CFAP61: variants seen among roughly 807,000 people sequenced by gnomAD.
The protein encoded by CFAP61 is cilia- and flagella-associated protein 61.
CFAP61 carries 107 observed loss-of-function variants against 135.6 expected under a neutral mutation model. The observed-to-expected ratio is 0.79, with a 90% CI of 0.67 to 0.93. CFAP61 has a LOEUF of 0.93. Among genes scored for constraint, CFAP61 ranks in the 40% least tolerant of loss-of-function variants. The pLI is 0.00. For missense variants in CFAP61, 1,507 were observed against 1,556.2 expected (o/e 0.97, Z 0.53); for synonymous variants, 575 against 578.5 (o/e 0.99, Z 0.09).
chr20:20,342,691 C>T (rs766156883), intron 26 of CFAP61, among the ~76,000 whole-genome samples: 5 of 152,276 alleles, frequency 3.3e-5, no homozygotes, highest in Non-Finnish European at 5.9e-5. Context: ...AGCCCCCACG[C>T]GCCTTATTGG....
At chr20:20,285,930 A>AG (rs2054553036) in intron 22 of CFAP61, among the ~76,000 whole-genome samples, 4 of 151,184 alleles carry the variant, frequency 2.6e-5, no homozygotes, top group Admixed American at 1.3e-4. Context: ...CAAAAAAAAA[A>AG]AAAAACAAAA....
intron 21 of CFAP61, chr20:20,265,481 G>C (rs756026415): frequency 2.6e-6 from 2 of 779,612 alleles, no homozygotes; most frequent in Admixed American, 3.4e-5. Context: ...ATGCTGTGGT[G>C]CCCCCTTAAA....
intron 25 of CFAP61, among the ~76,000 whole-genome samples, chr20:20,304,712 G>A (rs952859256): frequency 6.6e-6 from 1 of 151,984 alleles, no homozygotes; most frequent in African/African-American, 2.4e-5. Flanking sequence ...TCAGGACACC[G>A]GGCGCGAAAG....
At chr20:20,172,603 G>C (rs6081907) in intron 13 of CFAP61, among the ~76,000 whole-genome samples, 136,945 of 152,234 alleles carry the variant, frequency 0.9, 62,413 homozygotes, top group Middle Eastern at 0.99. Context: ...CAGGTGTGAG[G>C]CACCACACCT....
intron 25 of CFAP61, among the ~76,000 whole-genome samples, chr20:20,301,817 A>G (rs1239223489): frequency 1.3e-5 from 2 of 152,140 alleles, no homozygotes; most frequent in Non-Finnish European, 2.9e-5. Context: ...TTTCTTTATG[A>G]TGTCAACAAT....
At position 20,282,781 on chromosome 20, in the gene CFAP61, A is replaced by G. The variant is rs559391295; in HGVS notation, c.2796+5323A>G. On this transcript the variant is annotated intron_variant, in intron 22 of 26. Coordinates refer to ENST00000245957, the MANE Select transcript of CFAP61 (RefSeq NM_015585.4). Reference sequence around the variant, plus strand: ...TGGTGAAACCCTGTCTCCACTAAACATATGAAAATTAGCCAGGCATGGTGG... The same window carrying G: ...TGGTGAAACCCTGTCTCCACTAAACGTATGAAAATTAGCCAGGCATGGTGG... 2.0e-5 allele frequency among the ~76,000 whole-genome samples: 3 copies of G among 152,210 alleles called. No individual in the cohort carries two copies. The East Asian group carries it at 5.8e-4, about 29-fold the overall frequency.
At chr20:20,177,123 C>A (rs4814955) in intron 13 of CFAP61, among the ~76,000 whole-genome samples, 137,335 of 152,112 alleles carry the variant, frequency 0.9, 62,821 homozygotes, top group Middle Eastern at 0.99. Context: ...TAGATTTGTA[C>A]GAATATGTGG....
chr20:20,192,039 T>G (rs1569101567), intron 15 of CFAP61, among the ~76,000 whole-genome samples: 1 of 152,162 alleles, frequency 6.6e-6, no homozygotes. Flanking sequence ...TCTCATTTGG[T>G]GTCTTCTAAA....
chr20:20,169,973 T>G (rs1347316110), intron 13 of CFAP61, among the ~76,000 whole-genome samples: 1 of 152,236 alleles, frequency 6.6e-6, no homozygotes, highest in African/African-American at 2.4e-5. Flanking sequence ...AAAATATATT[T>G]ACAGTGCTAA....
Position 20,263,137 on chromosome 20 carries a change from A to G in CFAP61, c.2503+7A>G. The G allele has an allele frequency of 6.2e-7, 1 of 1,607,760 alleles. No homozygotes were observed. The highest frequency in any genetic ancestry group is 8.5e-7 in the Non-Finnish European group (1 of 1,175,706). ...AACTCCATCACCACAGAAGGTAAGG[A>G]TGTCGGTAACTGTGCATCTCTTCAG... On this transcript the variant is annotated splice_region_variant and intron_variant, in intron 21 of 26. Transcript: ENST00000245957.
At chr20:20,160,313 T>C (rs150988438) in intron 10 of CFAP61, among the ~76,000 whole-genome samples, 2 of 152,124 alleles carry the variant, frequency 1.3e-5, no homozygotes, top group South Asian at 4.1e-4. Context: ...GTCATATCCA[T>C]AGAGGCACTG....
intron 2 of CFAP61, among the ~76,000 whole-genome samples, chr20:20,063,802 G>A (rs923768796): frequency 6.6e-6 from 1 of 152,172 alleles, no homozygotes; most frequent in Non-Finnish European, 1.5e-5. Flanking sequence ...CAAATGGAAA[G>A]GAATGTGAAT....
chr20:20,196,148 A>G (rs145526717), intron 15 of CFAP61, among the ~76,000 whole-genome samples: 34 of 152,338 alleles, frequency 2.2e-4, no homozygotes, highest in African/African-American at 8.2e-4. Flanking sequence ...GGTGAATAGT[A>G]ATGCATCAGA....
At chr20:20,319,176 C>T (rs1419798178) in intron 25 of CFAP61, among the ~76,000 whole-genome samples, 1 of 152,198 alleles carries the variant, frequency 6.6e-6, no homozygotes, top group Non-Finnish European at 1.5e-5. Context: ...TTCTGCATTG[C>T]TCCCCATCTT....
At chr20:20,171,038 G>A (rs1273196575) in intron 13 of CFAP61, among the ~76,000 whole-genome samples, 5 of 152,136 alleles carry the variant, frequency 3.3e-5, no homozygotes, top group Non-Finnish European at 5.9e-5. Context: ...TGAGTAACTA[G>A]TCCACAGTCC....
chr20:20,081,085 A>G (rs557844290), intron 6 of CFAP61, among the ~76,000 whole-genome samples: 1 of 152,260 alleles, frequency 6.6e-6, no homozygotes, highest in Non-Finnish European at 1.5e-5. Context: ...TAAATCTGTG[A>G]GAGTTTGAGT....
chr20:20,233,105 GACC>G (rs1487731550), intron 18 of CFAP61, among the ~76,000 whole-genome samples: 1 of 152,206 alleles, frequency 6.6e-6, no homozygotes, highest in African/African-American at 2.4e-5. Flanking sequence ...TTGTGGCAAT[GACC>G]ACAACTCCTG....
chr20:20,314,649 T>C (rs1481958042), intron 25 of CFAP61, among the ~76,000 whole-genome samples: 2 of 143,056 alleles, frequency 1.4e-5, no homozygotes, highest in East Asian at 4.1e-4. Context: ...ACTCGTCATC[T>C]AGCATTAGGT....
chr20:20,104,027 C>G (rs2048206703), intron 8 of CFAP61, among the ~76,000 whole-genome samples: 1 of 152,164 alleles, frequency 6.6e-6, no homozygotes, highest in Admixed American at 6.5e-5. Flanking sequence ...TCATTATATA[C>G]CCAGGGCCCA....
Sources: gnomAD v4.1 joint callset for allele counts (sites outside exome capture counted in the v4.1 genomes callset) on GRCh38, gnomAD v4.1.1 for gene constraint, MANE v1.5 for transcripts, NCBI Gene and HGNC (gene_info 2026-07-23, HGNC 2026-07-21) for gene names.